The following IGSF3 variants were observed in gnomAD, a reference collection of about 807,000 sequenced individuals.
The protein encoded by IGSF3 is glu-Trp-Ile EWI motif-containing protein 3.
IGSF3 carries 23 observed loss-of-function variants against 114.4 expected under a neutral mutation model. That is an observed-to-expected ratio of 0.20 (90% CI 0.14 to 0.28). The LOEUF (loss-of-function observed/expected upper bound fraction) is 0.28. Among genes scored for constraint, IGSF3 ranks in the 10% least tolerant of loss-of-function variants. The pLI is 1.00. For missense variants in IGSF3, 1,172 were observed against 1,591.5 expected (o/e 0.74, Z 4.48); for synonymous variants, 571 against 645.2 (o/e 0.88, Z 1.74).
In IGSF3 at chr1:116,579,361, G is replaced by T; in HGVS notation, c.3334+31C>A. 6.6e-7 allele frequency: 1 copy of T among 1,522,262 alleles called. No individual in the cohort carries two copies. The highest frequency in any genetic ancestry group is 1.3e-5 in the South Asian group (1 of 76,152). 94.3% of individuals were successfully genotyped at this position (1,522,262 alleles called of 1,614,324 possible). A position where few individuals can be genotyped will look rare whatever the true frequency, so the allele number is the denominator to read the frequency against. On this transcript the variant is annotated intron_variant, in intron 10 of 10. Transcript: ENST00000369486. The surrounding 1 kb of genome is among the most constrained non-coding windows in gnomAD (Gnocchi z 6.4). ...TCCAGACACAGTTGGAACCAACAGT[G>T]ACATCCTCCCTCTGTACTTGGGAAA...
rs1649340281 is a variant in IGSF3, at chr1:116,666,506, G to A, written c.-180C>T. On this transcript the variant is annotated 5_prime_UTR_variant, in exon 2 of 11. Coordinates refer to ENST00000369486, the MANE Select transcript of IGSF3 (RefSeq NM_001007237.3). ...AGGAGGGAGTTGGGGGGAAGGGGAG[G>A]AGTGGAGGCAAGTGTGAAAACTCCC... 1.6e-6 allele frequency: 1 copy of A among 645,058 alleles called. No individual in the cohort carries two copies. Among genetic ancestry groups the A allele is most frequent in the Non-Finnish European group, 2.7e-6 (1 of 363,948 alleles). 40.0% of individuals were successfully genotyped at this position (645,058 alleles called of 1,614,324 possible).
rs1009053649 is a variant in IGSF3, at chr1:116,644,309, A to G, written c.43+21975T>C. Among the ~76,000 whole-genome samples, 1 of 152,246 alleles carries G rather than the reference A, an allele frequency of 6.6e-6. No individual in the cohort carries two copies. The highest frequency in any genetic ancestry group is 2.4e-5 in the African/African-American group (1 of 41,472). ...GAAAACAATGCAGAAAACTGCAGTC[A>G]TTTGGCCGCTTGTTAAGGAGAGCCC... On this transcript the variant is annotated intron_variant, in intron 2 of 10. Transcript: ENST00000369486. This position sits in a 1 kb window ranked among gnomAD's most constrained non-coding sequence, Gnocchi z 5.6.
At chr1:116,637,627 G>T (rs1647893813) in intron 2 of IGSF3, among the ~76,000 whole-genome samples, 1 of 152,154 alleles carries the variant, frequency 6.6e-6, no homozygotes, top group Non-Finnish European at 1.5e-5. Context: ...TCACATGGCA[G>T]ACACCTGCCA....
At position 116,579,256 on chromosome 1, in the gene IGSF3, A is replaced by G; in HGVS notation, c.3334+136T>C. On this transcript the variant is annotated intron_variant, in intron 10 of 10. Transcript: ENST00000369486. This position sits in a 1 kb window ranked among gnomAD's most constrained non-coding sequence, Gnocchi z 6.4. ...ATGAACTAATATGTCCAATCCCACCATATCTCAAATCCTACTAATAAATGC... is the reference window on the plus strand; with the variant it reads ...ATGAACTAATATGTCCAATCCCACCGTATCTCAAATCCTACTAATAAATGC... 8.6e-7 allele frequency: 1 copy of G among 1,163,862 alleles called. No homozygotes were observed. The highest frequency in any genetic ancestry group is 1.2e-6 in the Non-Finnish European group (1 of 829,194). The allele number at this position is 1,163,862 out of a possible 1,614,324, so 72.1% of individuals were successfully genotyped here.
intron 2 of IGSF3, among the ~76,000 whole-genome samples, chr1:116,619,015 GA>G (rs1661321661): frequency 6.6e-6 from 1 of 152,142 alleles, no homozygotes; most frequent in Non-Finnish European, 1.5e-5. Context: ...GATTAATTAG[GA>G]TTTTTTTTTG....
In IGSF3 at chr1:116,662,984, G is replaced by A. The variant is rs1649174780; in HGVS notation, c.43+3300C>T. Among the ~76,000 whole-genome samples, 1 of 152,226 alleles carries A rather than the reference G, an allele frequency of 6.6e-6. No individual in the cohort carries two copies. Among genetic ancestry groups the A allele is most frequent in the South Asian group, 2.1e-4 (1 of 4,830 alleles). Reference sequence around the variant, plus strand: ...CCTCAGCCTTACCGTATTCAAAGAAGAGACTTCCCAAACTCTACAAATGAA... The same window carrying A: ...CCTCAGCCTTACCGTATTCAAAGAAAAGACTTCCCAAACTCTACAAATGAA... On this transcript the variant is annotated intron_variant, in intron 2 of 10. Coordinates refer to ENST00000369486, the MANE Select transcript of IGSF3 (RefSeq NM_001007237.3). This position sits in a 1 kb window ranked among gnomAD's most constrained non-coding sequence, Gnocchi z 4.3.
chr1:116,590,904 T>C (rs913904309), intron 7 of IGSF3, among the ~76,000 whole-genome samples: 1 of 152,174 alleles, frequency 6.6e-6, no homozygotes, highest in Non-Finnish European at 1.5e-5. Context: ...ATGCCATGAC[T>C]GAGCAACACT....
At position 116,584,360 on chromosome 1, in the gene IGSF3, T is replaced by G. The variant is rs1009958691; in HGVS notation, c.2848+285A>C. On this transcript the variant is annotated intron_variant, in intron 9 of 10. Coordinates refer to ENST00000369486, the MANE Select transcript of IGSF3 (RefSeq NM_001007237.3). The surrounding 1 kb of genome is among the most constrained non-coding windows in gnomAD (Gnocchi z 5.8). ...GATTTTTGTCATATCTGCCCTTTGT[T>G]CCAAATCTGGAAAAAGGAAATATTC... 2.0e-5 allele frequency among the ~76,000 whole-genome samples: 3 copies of G among 152,288 alleles called. No homozygotes were observed. The East Asian group carries it at 5.8e-4, about 29-fold the overall frequency.
Position 116,603,774 on chromosome 1 carries a change from T to C in IGSF3, c.1474A>G (p.Asn492Asp). 1 of 1,614,022 alleles carries C rather than the reference T, an allele frequency of 6.2e-7. No individual in the cohort carries two copies. Among genetic ancestry groups the C allele is most frequent in the Non-Finnish European group, 8.5e-7 (1 of 1,179,868 alleles). ...TTGAAGATGCCCAGGCTGAACGAGTTGGGCTGCACCTGCTCCATCTGGACG... is the reference window on the plus strand; with the variant it reads ...TTGAAGATGCCCAGGCTGAACGAGTCGGGCTGCACCTGCTCCATCTGGACG... ...GGVQMEQVQPNSFSLGIFNSR... is the reference protein window; with the variant it reads ...GGVQMEQVQPDSFSLGIFNSR... The change falls in exon 6 of 11, where the codon AAC becomes GAC. Residue 492 changes from asparagine to aspartate, a missense_variant. By Grantham distance (23) the Asn-to-Asp change is conservative. Transcript: ENST00000369486. This position sits in a 1 kb window ranked among gnomAD's most constrained non-coding sequence, Gnocchi z 7.1.
At position 116,577,266 on chromosome 1, in the gene IGSF3, G is replaced by C; in HGVS notation, c.*46C>G. ...AACTGTCCAATCACAGAGAAAGGGAGAGCCTCAGCTCCTCCGTGGCCAACA... is the reference window on the plus strand; with the variant it reads ...AACTGTCCAATCACAGAGAAAGGGACAGCCTCAGCTCCTCCGTGGCCAACA... On this transcript the variant is annotated 3_prime_UTR_variant, in exon 11 of 11. Transcript: ENST00000369486. This position sits in a 1 kb window ranked among gnomAD's most constrained non-coding sequence, Gnocchi z 5.7. 6.2e-7 allele frequency: 1 copy of C among 1,601,808 alleles called. No homozygotes were observed. Among genetic ancestry groups the C allele is most frequent in the Non-Finnish European group, 8.5e-7 (1 of 1,172,896 alleles).
chr1:116,599,789 G>A (rs1189537123), intron 7 of IGSF3, 152 bp downstream of exon 7: 4 of 679,694 alleles, frequency 5.9e-6, no homozygotes, highest in South Asian at 2.0e-5. Context: ...TCCACTGCAC[G>A]ATTCTTAAAA....
At position 116,655,657 on chromosome 1, in the gene IGSF3, G is replaced by A. The variant is rs1648815998; in HGVS notation, c.43+10627C>T. Among the ~76,000 whole-genome samples the A allele has an allele frequency of 1.3e-5, 2 of 152,154 alleles. No homozygotes were observed. Among genetic ancestry groups the A allele is most frequent in the African/African-American group, 2.4e-5 (1 of 41,422 alleles). On this transcript the variant is annotated intron_variant, in intron 2 of 10. Transcript: ENST00000369486. The surrounding 1 kb of genome is among the most constrained non-coding windows in gnomAD (Gnocchi z 4.3). The stretch of plus-strand genomic sequence containing the variant: ...CATTCTATCTGGAGGAGTCACTTGG[G>A]AATTGAAAACACACGAAAACTTTTT...
At chr1:116,667,229 C>T (rs978170472) in intron 1 of IGSF3, among the ~76,000 whole-genome samples, 2 of 152,188 alleles carry the variant, frequency 1.3e-5, no homozygotes, top group African/African-American at 4.8e-5. Flanking sequence ...GCCCGGGCGC[C>T]GCAGGTAGCC....
chr1:116,629,347 C>T lies in IGSF3; in HGVS notation c.44-12890G>A, dbSNP rs1338306595. ...GGACTGGGCTAGTATATTTAAAAAACGCTAAAGGGAGGTGGGGTAATAAGG... is the reference window on the plus strand; with the variant it reads ...GGACTGGGCTAGTATATTTAAAAAATGCTAAAGGGAGGTGGGGTAATAAGG... On this transcript the variant is annotated intron_variant, in intron 2 of 10. Coordinates refer to ENST00000369486, the MANE Select transcript of IGSF3 (RefSeq NM_001007237.3). The surrounding 1 kb of genome is among the most constrained non-coding windows in gnomAD (Gnocchi z 4.3). Among the ~76,000 whole-genome samples the T allele has an allele frequency of 1.3e-5, 2 of 152,178 alleles. No individual in the cohort carries two copies. Among genetic ancestry groups the T allele is most frequent in the Admixed American group, 6.5e-5 (1 of 15,282 alleles).
chr1:116,622,129 T>G (rs1240821815), intron 2 of IGSF3, among the ~76,000 whole-genome samples: 2 of 152,168 alleles, frequency 1.3e-5, no homozygotes, highest in Non-Finnish European at 2.9e-5. Flanking sequence ...ACCTCACCAT[T>G]TTACATCTAC....
chr1:116,633,781 A>G lies in IGSF3; in HGVS notation c.44-17324T>C, dbSNP rs527688031. ...GAACACTGAGAAACCATAGAAAGCAAAAATGAAAAGCCAACATAGAAAAAG... is the reference window on the plus strand; with the variant it reads ...GAACACTGAGAAACCATAGAAAGCAGAAATGAAAAGCCAACATAGAAAAAG... On this transcript the variant is annotated intron_variant, in intron 2 of 10. Coordinates refer to ENST00000369486, the MANE Select transcript of IGSF3 (RefSeq NM_001007237.3). The surrounding 1 kb of genome is among the most constrained non-coding windows in gnomAD (Gnocchi z 4.3). Among the ~76,000 whole-genome samples, 1 of 152,374 alleles carries G rather than the reference A, an allele frequency of 6.6e-6. No individual in the cohort carries two copies. Among genetic ancestry groups the G allele is most frequent in the African/African-American group, 2.4e-5 (1 of 41,588 alleles).
chr1:116,585,892 AAAAAAG>A lies in IGSF3; in HGVS notation c.2441-846_2441-841del, dbSNP rs570119120. On this transcript the variant is annotated intron_variant, in intron 8 of 10. Transcript: ENST00000369486. This position sits in a 1 kb window ranked among gnomAD's most constrained non-coding sequence, Gnocchi z 4.9. ...GTGCAACAGAGTGAGACTGTCTCAA[AAAAAAG>A]AAAAAGAAAAAGAAAAAGAAAAGAT... Among the ~76,000 whole-genome samples, 214 of 152,368 alleles carry A rather than the reference AAAAAAG, an allele frequency of 1.4e-3. No homozygotes were observed. Among genetic ancestry groups the A allele is most frequent in the African/African-American group, 4.2e-3 (173 of 41,582 alleles).
intron 2 of IGSF3, among the ~76,000 whole-genome samples, chr1:116,652,511 A>T (rs1283162241): frequency 6.6e-6 from 1 of 152,230 alleles, no homozygotes; most frequent in Non-Finnish European, 1.5e-5. Flanking sequence ...CAAAAGCTTC[A>T]CTTAGAGTAA....
At position 116,603,875 on chromosome 1, in the gene IGSF3, C is replaced by T; in HGVS notation, c.1373G>A (p.Ser458Asn). The stretch of plus-strand genomic sequence containing the variant: ...ATCCCGGTCTAGCCACATGATATTG[C>T]TGCGGCGGTTCTGCCTGTCCACAAG... The part of the protein sequence containing the change: ...WQLVDRQNRR[S>N]NIMWLDRDGT... The change falls in exon 6 of 11, where the codon AGC becomes AAC. Residue 458 changes from serine (S) to asparagine (N), a missense_variant. Physicochemically the swap from Ser to Asn is conservative, Grantham distance 46. Around this residue, in one of 3 missense-constraint regions of IGSF3, gnomAD observed 736 missense variants for 1,042.0 expected, o/e 0.71. Transcript: ENST00000369486. The surrounding 1 kb of genome is among the most constrained non-coding windows in gnomAD (Gnocchi z 7.1). The T allele has an allele frequency of 1.2e-6, 2 of 1,614,116 alleles. No homozygotes were observed. Among genetic ancestry groups the T allele is most frequent in the Non-Finnish European group, 1.7e-6 (2 of 1,179,966 alleles).
Sources: allele counts gnomAD v4.1 joint callset (sites outside exome capture counted in the v4.1 genomes callset), GRCh38; gene constraint gnomAD v4.1.1; regional missense constraint gnomAD v4.1.1; non-coding constraint Gnocchi (gnomAD v3.1); transcripts MANE v1.5; gene names NCBI Gene and HGNC (gene_info 2026-07-23, HGNC 2026-07-21).